Variants in NEGR1 observed in about 807,000 individuals in gnomAD.
NEGR1 encodes the protein IgLON family member 4.
In NEGR1, 10 loss-of-function variants were observed where a neutral mutation model predicts 40.9. The observed-to-expected ratio is 0.24, with a 90% CI of 0.15 to 0.42. The LOEUF (loss-of-function observed/expected upper bound fraction) is 0.42, where lower values mean the gene tolerates loss of function less well. NEGR1 is among the 10% of genes least tolerant of loss of function. NEGR1 has a pLI of 1.00. For synonymous variants in NEGR1, 185 were observed against 166.8 expected, an observed-to-expected ratio of 1.11 and a Z score of -0.84; for missense variants, 352 against 438.9, an observed-to-expected ratio of 0.80 and a Z score of 1.77.
chr1:72,147,951 T>C (rs1313278920), intron 1 of NEGR1, among the ~76,000 whole-genome samples: 1 of 152,122 alleles, frequency 6.6e-6, no homozygotes, highest in African/African-American at 2.4e-5. Context: ...CTTAGCAGGG[T>C]ACAGCCTCCC....
intron 6 of NEGR1, among the ~76,000 whole-genome samples, chr1:71,520,808 C>T (rs775678858): frequency 3.4e-4 from 51 of 152,020 alleles, no homozygotes; most frequent in Non-Finnish European, 5.4e-4. Flanking sequence ...TACAGGAGAG[C>T]AGATGGAGAA....
intron 4 of NEGR1, among the ~76,000 whole-genome samples, chr1:71,697,260 T>A (rs572115455): frequency 2.0e-5 from 3 of 151,860 alleles, no homozygotes; most frequent in African/African-American, 7.2e-5. Context: ...AATACAATTA[T>A]CCCAAAGGTA....
At chr1:71,862,381 A>AT (rs1659976416) in intron 2 of NEGR1, among the ~76,000 whole-genome samples, 1 of 152,026 alleles carries the variant, frequency 6.6e-6, no homozygotes, top group Non-Finnish European at 1.5e-5. Flanking sequence ...TCACTCGCCC[A>AT]TTTTCAAAAA....
At chr1:71,570,576 T>C (rs1308101088) in intron 6 of NEGR1, among the ~76,000 whole-genome samples, 1 of 152,066 alleles carries the variant, frequency 6.6e-6, no homozygotes, top group Admixed American at 6.5e-5. Context: ...CTTCCAGTGG[T>C]CAAATTATTT....
intron 6 of NEGR1, among the ~76,000 whole-genome samples, chr1:71,496,007 G>T (rs7553624): frequency 0.26 from 38,821 of 151,902 alleles, 6,289 homozygotes; most frequent in East Asian, 0.61. Flanking sequence ...TTTGGGAATA[G>T]GTCTCTGCCT....
intron 1 of NEGR1, among the ~76,000 whole-genome samples, chr1:72,257,185 A>G (rs952193007): frequency 4.0e-5 from 6 of 150,900 alleles, no homozygotes; most frequent in South Asian, 2.1e-4. Context: ...AGCCGGGCGT[A>G]GTGGCGGGCG....
At chr1:71,598,356 C>T (rs1365580211) in intron 5 of NEGR1, among the ~76,000 whole-genome samples, 4 of 152,096 alleles carry the variant, frequency 2.6e-5, no homozygotes, top group Non-Finnish European at 5.9e-5. Context: ...CAGGTTTGAT[C>T]CAGAGGTGAG....
intron 3 of NEGR1, among the ~76,000 whole-genome samples, chr1:71,761,831 A>G (rs1655953381): frequency 6.6e-6 from 1 of 152,166 alleles, no homozygotes; most frequent in Non-Finnish European, 1.5e-5. Context: ...AAATAGAAAT[A>G]AAACAATAAA....
intron 3 of NEGR1, among the ~76,000 whole-genome samples, chr1:71,722,181 G>A (rs1570259175): frequency 6.6e-6 from 1 of 152,098 alleles, no homozygotes; most frequent in Admixed American, 6.6e-5. Context: ...TGGAAGATAA[G>A]TTAGGAGGTA....
intron 6 of NEGR1, among the ~76,000 whole-genome samples, chr1:71,427,161 A>G (rs954081815): frequency 2.6e-5 from 4 of 152,200 alleles, no homozygotes; most frequent in Admixed American, 6.5e-5. Flanking sequence ...ATGTAGCTGG[A>G]TATTTCTCCG....
intron 6 of NEGR1, among the ~76,000 whole-genome samples, chr1:71,425,842 T>G (rs531204855): frequency 6.6e-6 from 1 of 152,258 alleles, no homozygotes; most frequent in East Asian, 1.9e-4. Context: ...TAGTCAAGCT[T>G]AATGCTCACA....
intron 3 of NEGR1, among the ~76,000 whole-genome samples, chr1:71,712,824 T>C (rs1026340622): frequency 1.2e-4 from 18 of 152,104 alleles, no homozygotes; most frequent in African/African-American, 4.3e-4. Flanking sequence ...TCTCATAAGA[T>C]ATGGTTGTTT....
intron 6 of NEGR1, among the ~76,000 whole-genome samples, chr1:71,443,540 C>A (rs1646562040): frequency 6.6e-6 from 1 of 152,108 alleles, no homozygotes; most frequent in African/African-American, 2.4e-5. Flanking sequence ...TGCAGAATAG[C>A]CATCAAATGA....
At chr1:71,447,515 A>G (rs1646591128) in intron 6 of NEGR1, among the ~76,000 whole-genome samples, 1 of 152,206 alleles carries the variant, frequency 6.6e-6, no homozygotes, top group South Asian at 2.1e-4. Context: ...TGTGAACAGC[A>G]AGGGAGTAAA....
intron 4 of NEGR1, among the ~76,000 whole-genome samples, chr1:71,620,395 G>A (rs1650573980): frequency 6.6e-6 from 1 of 151,918 alleles, no homozygotes; most frequent in Non-Finnish European, 1.5e-5. Context: ...AAAATTTTAA[G>A]ATTTCAAGTA....
At chr1:71,747,143 G>A (rs1455263742) in intron 3 of NEGR1, among the ~76,000 whole-genome samples, 2 of 151,846 alleles carry the variant, frequency 1.3e-5, no homozygotes, top group African/African-American at 4.8e-5. Flanking sequence ...TCATATAAAG[G>A]GGCAATTGAC....
At chr1:71,519,709 C>A (rs1647140403) in intron 6 of NEGR1, among the ~76,000 whole-genome samples, 1 of 119,888 alleles carries the variant, frequency 8.3e-6, no homozygotes, top group Admixed American at 8.4e-5. Flanking sequence ...TGCACATGTA[C>A]CCTAACACTT....
At chr1:71,863,761 C>T (rs972489553) in intron 2 of NEGR1, among the ~76,000 whole-genome samples, 6 of 152,092 alleles carry the variant, frequency 3.9e-5, no homozygotes, top group Non-Finnish European at 7.4e-5. Flanking sequence ...TACTAGTGTT[C>T]CTGAGCGCCT....
In NEGR1 at chr1:71,713,271, G is replaced by A. The variant is rs139440974; in HGVS notation, c.536-15132C>T. 2.7e-3 allele frequency among the ~76,000 whole-genome samples: 415 copies of A among 152,180 alleles called. 3 individuals carry two copies. The highest frequency in any genetic ancestry group is 9.2e-3 in the African/African-American group (383 of 41,516). ...ATGTGTCTACTTACTGATGACCTACGGGAAAATTATTTGTGCATTTTAGCA... is the reference window on the plus strand; with the variant it reads ...ATGTGTCTACTTACTGATGACCTACAGGAAAATTATTTGTGCATTTTAGCA... On this transcript the variant is annotated intron_variant, in intron 3 of 6. Coordinates refer to ENST00000357731, the MANE Select transcript of NEGR1 (RefSeq NM_173808.3).
Sources: gnomAD v4.1 joint callset for allele counts (sites outside exome capture counted in the v4.1 genomes callset) on GRCh38, gnomAD v4.1.1 for gene constraint, MANE v1.5 for transcripts, NCBI Gene and HGNC (gene_info 2026-07-23, HGNC 2026-07-21) for gene names.